Variants in LAMA2 observed in about 807,000 individuals in gnomAD.
The protein encoded by LAMA2 is laminin subunit alpha-2.
LAMA2 carries 269 observed loss-of-function variants against 364.8 expected under a neutral mutation model. The ratio of observed to expected loss-of-function variants is 0.74; its 90% CI spans 0.67 to 0.82. The LOEUF is 0.82. LAMA2 is among the 40% of genes least tolerant of loss of function. The pLI is 0.00. For missense variants in LAMA2, 3,807 were observed against 3,873.2 expected (o/e 0.98, Z 0.45); for synonymous variants, 1,379 against 1,370.6 (o/e 1.01, Z -0.14).
At chr6:129,340,408 A>C (rs1025938561) in intron 29 of LAMA2, among the ~76,000 whole-genome samples, 1 of 152,042 alleles carries the variant, frequency 6.6e-6, no homozygotes, top group African/African-American at 2.4e-5. Flanking sequence ...AGGAAAGGAA[A>C]CCAATTTAGG....
In LAMA2 at chr6:129,236,208, G is replaced by A. The variant is rs1408782477; in HGVS notation, c.1783-13904G>A. On this transcript the variant is annotated intron_variant, in intron 12 of 64. Transcript: ENST00000421865. ...CAAGAAAATTTTTGAAATTTGCACA[G>A]TAGAGACGATGCTGTTAATGTTCAC... Among the ~76,000 whole-genome samples, 3 of 152,262 alleles carry A rather than the reference G, an allele frequency of 2.0e-5. No individual in the cohort carries two copies. The East Asian group carries it at 5.8e-4, about 29-fold the overall frequency.
intron 22 of LAMA2, among the ~76,000 whole-genome samples, chr6:129,311,482 C>A (rs1264319801): frequency 6.6e-6 from 1 of 152,130 alleles, no homozygotes; most frequent in African/African-American, 2.4e-5. Context: ...CTTATTGGGT[C>A]CTTCCAAGGC....
intron 4 of LAMA2, among the ~76,000 whole-genome samples, chr6:129,125,850 A>T (rs1777084173): frequency 6.6e-6 from 1 of 152,182 alleles, no homozygotes; most frequent in Admixed American, 6.5e-5. Flanking sequence ...TACTAGCTTA[A>T]TTGAATTATT....
At chr6:129,218,553 T>C (rs1783576727) in intron 12 of LAMA2, among the ~76,000 whole-genome samples, 1 of 152,158 alleles carries the variant, frequency 6.6e-6, no homozygotes, top group Non-Finnish European at 1.5e-5. Context: ...AAAATAATCA[T>C]TTTTCTCATT....
At chr6:129,063,066 CAT>C (rs772812598) in intron 3 of LAMA2, among the ~76,000 whole-genome samples, 39 of 152,126 alleles carry the variant, frequency 2.6e-4, no homozygotes, top group Non-Finnish European at 4.3e-4. Flanking sequence ...TCTATTTACT[CAT>C]AGCATATTTT....
chr6:128,885,582 A>T (rs1214915097), intron 1 of LAMA2, among the ~76,000 whole-genome samples: 1 of 152,116 alleles, frequency 6.6e-6, no homozygotes, highest in Admixed American at 6.6e-5. Context: ...GTTTGACTGG[A>T]GAAGGGTTTT....
chr6:129,016,952 C>G (rs969956192), intron 1 of LAMA2, among the ~76,000 whole-genome samples: 1 of 151,560 alleles, frequency 6.6e-6, no homozygotes, highest in African/African-American at 2.4e-5. Context: ...AAAAACACCC[C>G]ATTTCCTTGT....
chr6:128,909,507 T>C (rs1206002761), intron 1 of LAMA2, among the ~76,000 whole-genome samples: 3 of 149,250 alleles, frequency 2.0e-5, no homozygotes, highest in Non-Finnish European at 4.5e-5. Context: ...TCCTCCATCC[T>C]TTTATTTTGA....
chr6:129,033,983 T>C (rs1480266411), intron 1 of LAMA2, among the ~76,000 whole-genome samples: 1 of 151,808 alleles, frequency 6.6e-6, no homozygotes, highest in African/African-American at 2.4e-5. Flanking sequence ...AACAAAGCAG[T>C]TCGTGGACTC....
In LAMA2 at chr6:129,251,941, AAAAT is replaced by A. The variant is rs911426705; in HGVS notation, c.1885-131_1885-128del. Reference sequence around the variant, plus strand: ...TAGAGCGAGACTCTGTCTCCAAAAAAAAATAAATAAATAAAAAATAAACATAAAT... The same window carrying A: ...TAGAGCGAGACTCTGTCTCCAAAAAAAAATAAATAAAAAATAAACATAAAT... On this transcript the variant is annotated intron_variant, in intron 13 of 64. Coordinates refer to ENST00000421865, the MANE Select transcript of LAMA2 (RefSeq NM_000426.4). 197 of 634,124 alleles carry A rather than the reference AAAAT, an allele frequency of 3.1e-4. 1 individual carries two copies. Among genetic ancestry groups the A allele is most frequent in the Middle Eastern group, 4.3e-4 (1 of 2,352 alleles). The allele number at this position is 634,124 out of a possible 1,614,324, so 39.3% of individuals were successfully genotyped here. A position where few individuals can be genotyped will look rare whatever the true frequency, so the allele number is the denominator to read the frequency against.
chr6:129,126,624 T>A (rs1192421491), intron 4 of LAMA2, among the ~76,000 whole-genome samples: 1 of 152,078 alleles, frequency 6.6e-6, no homozygotes, highest in African/African-American at 2.4e-5. Flanking sequence ...AAAGCCAGAA[T>A]CAAAACCCAA....
chr6:129,224,180 T>C (rs1784075451), intron 12 of LAMA2, among the ~76,000 whole-genome samples: 1 of 152,208 alleles, frequency 6.6e-6, no homozygotes, highest in South Asian at 2.1e-4. Flanking sequence ...GCTTGTGATT[T>C]TTCTACATTG....
chr6:129,390,022 A>T (rs1315660126), intron 35 of LAMA2, among the ~76,000 whole-genome samples: 2 of 152,262 alleles, frequency 1.3e-5, no homozygotes, highest in Non-Finnish European at 2.9e-5. Flanking sequence ...TTCAATCTAC[A>T]GCATTGGCTA....
chr6:129,318,952 T>C (rs1347815056), intron 27 of LAMA2, among the ~76,000 whole-genome samples: 1 of 152,200 alleles, frequency 6.6e-6, no homozygotes, highest in Non-Finnish European at 1.5e-5. Context: ...CATAAAATAG[T>C]CCCAGTTTAT....
intron 41 of LAMA2, among the ~76,000 whole-genome samples, chr6:129,435,610 T>C (rs141808087): frequency 9.3e-4 from 142 of 152,278 alleles, no homozygotes; most frequent in Middle Eastern, 3.4e-3. Flanking sequence ...TTATGCTTTG[T>C]TTTTCAGTGA....
intron 40 of LAMA2, among the ~76,000 whole-genome samples, chr6:129,424,752 G>A (rs1781244842): frequency 6.6e-6 from 1 of 151,972 alleles, no homozygotes; most frequent in Non-Finnish European, 1.5e-5. Flanking sequence ...TCATACACTG[G>A]TGATGGGAAT....
intron 1 of LAMA2, among the ~76,000 whole-genome samples, chr6:128,974,418 A>G (rs1254832813): frequency 2.0e-5 from 3 of 152,238 alleles, no homozygotes; most frequent in African/African-American, 7.2e-5. Flanking sequence ...ATCTAGCAGC[A>G]TGCCAGGAGA....
chr6:129,273,180 C>T (rs1272382855), intron 17 of LAMA2, among the ~76,000 whole-genome samples: 1 of 152,158 alleles, frequency 6.6e-6, no homozygotes, highest in Non-Finnish European at 1.5e-5. Context: ...CTATGATAGT[C>T]ATAACATGAC....
At chr6:129,494,073 T>C (rs1433059063) in intron 58 of LAMA2, among the ~76,000 whole-genome samples, 1 of 152,254 alleles carries the variant, frequency 6.6e-6, no homozygotes, top group Non-Finnish European at 1.5e-5. Flanking sequence ...CATACCTGAA[T>C]TGTTTCTTCC....
Sources: allele counts gnomAD v4.1 joint callset (sites outside exome capture counted in the v4.1 genomes callset), GRCh38; gene constraint gnomAD v4.1.1; transcripts MANE v1.5; gene names NCBI Gene and HGNC (gene_info 2026-07-23, HGNC 2026-07-21).